Variants in DOCK3 observed in about 807,000 individuals in gnomAD.
DOCK3 encodes the protein dedicator of cytokinesis 3, also known as dedicator of cytokinesis protein 3.
A neutral mutation model predicts 265.6 loss-of-function variants in DOCK3; 60 were observed. That is an observed-to-expected ratio of 0.23 (90% confidence interval 0.18 to 0.28). The LOEUF is 0.28. Among genes scored for constraint, DOCK3 ranks in the 10% least tolerant of loss-of-function variants. The pLI is 1.00. For missense variants in DOCK3, 1,981 were observed against 2,594.3 expected, an observed-to-expected ratio of 0.76 and a Z score of 5.14; for synonymous variants, 881 against 938.0, an observed-to-expected ratio of 0.94 and a Z score of 1.11.
At chr3:50,788,854 G>A (rs1341696907) in intron 2 of DOCK3, among the ~76,000 whole-genome samples, 1 of 152,246 alleles carries the variant, frequency 6.6e-6, no homozygotes, top group Non-Finnish European at 1.5e-5. Context: ...GAGTGGCTGC[G>A]AGGGCGCGTG....
At position 50,801,811 on chromosome 3, in the gene DOCK3, C is replaced by T. The variant is rs540446306; in HGVS notation, c.121+23053C>T. On this transcript the variant is annotated intron_variant, in intron 2 of 52. Coordinates refer to ENST00000266037, the MANE Select transcript of DOCK3 (RefSeq NM_004947.5). ...GAGAGTGGAGTGTTGAAGTCCACAG[C>T]TATTATTGTATTTGGATCTATTTCT... Among the ~76,000 whole-genome samples the T allele has an allele frequency of 6.6e-5, 10 of 152,156 alleles. No individual in the cohort carries two copies. In the South Asian group the frequency reaches 1.9e-3, roughly 28 times the overall value.
At chr3:50,718,812 T>G in intron 1 of DOCK3, among the ~76,000 whole-genome samples, 1 of 137,974 alleles carries the variant, frequency 7.2e-6, no homozygotes, top group South Asian at 2.5e-4. Flanking sequence ...TAAGACAGAA[T>G]CTTGCTCTGT....
At chr3:50,908,245 G>T (rs2049653899) in intron 4 of DOCK3, among the ~76,000 whole-genome samples, 1 of 132,990 alleles carries the variant, frequency 7.5e-6, no homozygotes, top group Non-Finnish European at 1.6e-5. Flanking sequence ...TCTGATCCTG[G>T]TTATTTCTTG....
intron 9 of DOCK3, among the ~76,000 whole-genome samples, chr3:51,107,712 AC>A (rs1338075582): frequency 6.6e-6 from 1 of 152,222 alleles, no homozygotes; most frequent in African/African-American, 2.4e-5. Context: ...TCTGCAACTC[AC>A]TGGCATCCCT....
In DOCK3 at chr3:51,089,551, C is replaced by T. The variant is rs141737579; in HGVS notation, c.591+267C>T. On this transcript the variant is annotated intron_variant, in intron 8 of 52. Coordinates refer to ENST00000266037, the MANE Select transcript of DOCK3 (RefSeq NM_004947.5). ...ATGTTATTTAGAATGGTAACTATTA[C>T]GAGGTAACAGTGTAAATCAAGCGCA... is the stretch of plus-strand genomic sequence containing the variant. Among the ~76,000 whole-genome samples the T allele has an allele frequency of 2.9e-3, 437 of 152,176 alleles. 1 individual carries two copies. Among genetic ancestry groups the T allele is most frequent in the Non-Finnish European group, 5.2e-3 (355 of 67,990 alleles).
chr3:50,912,478 A>G (rs2049907187), intron 4 of DOCK3, among the ~76,000 whole-genome samples: 1 of 152,082 alleles, frequency 6.6e-6, no homozygotes, highest in Non-Finnish European at 1.5e-5. Flanking sequence ...CTGGTGCTCT[A>G]CAGTCAGCAG....
At chr3:50,854,016 T>C (rs532490454) in intron 3 of DOCK3, among the ~76,000 whole-genome samples, 98 of 152,284 alleles carry the variant, frequency 6.4e-4, no homozygotes, top group African/African-American at 2.3e-3. Context: ...CTGACTGGTA[T>C]GAGGTGGTAT....
chr3:50,834,325 G>GC (rs2045375276), intron 2 of DOCK3, among the ~76,000 whole-genome samples: 1 of 152,024 alleles, frequency 6.6e-6, no homozygotes, highest in African/African-American at 2.4e-5. Flanking sequence ...GTTTAGGGAA[G>GC]CCCCTATTAA....
chr3:50,919,496 A>T (rs1559814204), intron 4 of DOCK3, among the ~76,000 whole-genome samples: 1 of 151,980 alleles, frequency 6.6e-6, no homozygotes. Context: ...ATTCCTAGGT[A>T]TTTTATTCTC....
intron 5 of DOCK3, among the ~76,000 whole-genome samples, chr3:50,950,023 T>C (rs1386290346): frequency 6.6e-6 from 1 of 150,716 alleles, no homozygotes; most frequent in Non-Finnish European, 1.5e-5. Context: ...TTTTTTTTTT[T>C]AGTCATGTCT....
chr3:51,379,499 G>T, intron 51 of DOCK3: 1 of 985,434 alleles, frequency 1.0e-6, no homozygotes, highest in Non-Finnish European at 1.2e-6. Flanking sequence ...AGCCCAAGAG[G>T]CCCAGCCCTT....
intron 5 of DOCK3, among the ~76,000 whole-genome samples, chr3:50,973,540 G>T (rs1182318916): frequency 2.8e-5 from 4 of 145,170 alleles, no homozygotes; most frequent in East Asian, 2.1e-4. Flanking sequence ...GTCTATCATT[G>T]TTGGACATTT....
At position 51,329,552 on chromosome 3, in the gene DOCK3, C is replaced by T. The variant is rs368793889; in HGVS notation, c.3403-586C>T. 2.6e-5 allele frequency among the ~76,000 whole-genome samples: 4 copies of T among 152,216 alleles called. No individual in the cohort carries two copies. The East Asian group carries it at 5.8e-4, about 22-fold the overall frequency. On this transcript the variant is annotated intron_variant, in intron 32 of 52. Transcript: ENST00000266037. ...GTATCCAATAACAAATGCAGGGGCC[C>T]GGTGATGGCCCAGTGATAGGAACAG...
intron 12 of DOCK3, among the ~76,000 whole-genome samples, chr3:51,179,232 A>G (rs1444462801): frequency 6.6e-6 from 1 of 152,256 alleles, no homozygotes; most frequent in Non-Finnish European, 1.5e-5. Context: ...TTCATAAGGC[A>G]GAAATTGCAT....
intron 2 of DOCK3, among the ~76,000 whole-genome samples, chr3:50,793,773 TCTA>T (rs1234646028): frequency 6.6e-6 from 1 of 152,208 alleles, no homozygotes; most frequent in Admixed American, 6.5e-5. Context: ...TTTCTTGTCT[TCTA>T]CTAGCTTTGG....
chr3:51,187,575 T>C (rs1297947952), intron 12 of DOCK3, among the ~76,000 whole-genome samples: 1 of 152,096 alleles, frequency 6.6e-6, no homozygotes, highest in Non-Finnish European at 1.5e-5. Flanking sequence ...ATGATATGGT[T>C]TGGCTCTGTG....
chr3:51,217,547 GT>G (rs1188137606), intron 14 of DOCK3, among the ~76,000 whole-genome samples: 2 of 152,134 alleles, frequency 1.3e-5, no homozygotes, highest in Non-Finnish European at 2.9e-5. Context: ...GTAACCTTTT[GT>G]TAGTTGATCA....
At chr3:50,761,315 C>T (rs956304758) in intron 1 of DOCK3, among the ~76,000 whole-genome samples, 4 of 152,102 alleles carry the variant, frequency 2.6e-5, no homozygotes, top group African/African-American at 9.7e-5. Context: ...CATTGAGATT[C>T]CACCTGTGTC....
At chr3:51,248,909 T>C (rs867293418) in intron 22 of DOCK3, among the ~76,000 whole-genome samples, 2 of 130,632 alleles carry the variant, frequency 1.5e-5, no homozygotes, top group Middle Eastern at 5.6e-3. Context: ...GTGAGGAGCG[T>C]CTCTGCCCGG....
Sources: gnomAD v4.1 joint callset for allele counts (sites outside exome capture counted in the v4.1 genomes callset) on GRCh38, gnomAD v4.1.1 for gene constraint, MANE v1.5 for transcripts, NCBI Gene and HGNC (gene_info 2026-07-23, HGNC 2026-07-21) for gene names.